UNC13C: variants seen among roughly 807,000 people sequenced by gnomAD.
UNC13C encodes the protein unc-13 homolog C.
Under a neutral mutation model 245.4 loss-of-function variants are expected in UNC13C, and 174 were observed. That is an observed-to-expected ratio of 0.71 (90% confidence interval 0.63 to 0.80). The LOEUF (loss-of-function observed/expected upper bound fraction) is 0.80, where lower values mean the gene tolerates loss of function less well. Ranked by LOEUF, UNC13C falls within the 30% of genes least tolerant of loss-of-function variation. The pLI, the probability that UNC13C is intolerant of heterozygous loss-of-function variation, is 0.00. For synonymous variants in UNC13C, 992 were observed against 895.1 expected (o/e 1.11, Z -1.93); for missense variants, 2,829 against 2,602.9 (o/e 1.09, Z -1.89).
intron 8 of UNC13C, 144 bp downstream of exon 8, chr15:54,250,588 G>A: frequency 1.4e-6 from 1 of 711,446 alleles, no homozygotes; most frequent in South Asian, 2.0e-5. Context: ...TACACATACT[G>A]TCCATCAAAT....
At chr15:54,132,779 T>C (rs1207045828) in intron 2 of UNC13C, among the ~76,000 whole-genome samples, 2 of 152,146 alleles carry the variant, frequency 1.3e-5, no homozygotes, top group African/African-American at 4.8e-5. Context: ...GAGCAAACTG[T>C]TTCCAAAGAA....
At chr15:53,893,322 A>G in the UNC13C span, among the ~76,000 whole-genome samples, 5 of 152,316 alleles carry the variant, frequency 3.3e-5, no homozygotes, top group South Asian at 8.3e-4. Flanking sequence ...CAGTCAGGAT[A>G]CACGGGGGTC....
At chr15:54,481,286 A>G (rs1235674084) in intron 19 of UNC13C, among the ~76,000 whole-genome samples, 1 of 152,072 alleles carries the variant, frequency 6.6e-6, no homozygotes, top group Admixed American at 6.5e-5. Context: ...GTGGTGAGCC[A>G]ACCCTCAGGC....
At chr15:54,033,282 T>C (rs4343217) in intron 2 of UNC13C, among the ~76,000 whole-genome samples, 3,288 of 152,226 alleles carry the variant, frequency 0.022, 117 homozygotes, top group South Asian at 0.12. Context: ...AATATTCTGA[T>C]AAAAAGCTGA....
intron 30 of UNC13C, among the ~76,000 whole-genome samples, chr15:54,573,735 A>G (rs1897850513): frequency 6.6e-6 from 1 of 152,298 alleles, no homozygotes; most frequent in Non-Finnish European, 1.5e-5. Context: ...CACATCCTGG[A>G]GTGGTGGTCA....
intron 2 of UNC13C, among the ~76,000 whole-genome samples, chr15:54,071,203 T>G (rs1390416443): frequency 6.6e-6 from 1 of 152,146 alleles, no homozygotes; most frequent in African/African-American, 2.4e-5. Context: ...TAAAAAAAAT[T>G]TGTAAACTTG....
chr15:54,578,844 A>C (rs1345774341), intron 30 of UNC13C, among the ~76,000 whole-genome samples: 1 of 152,184 alleles, frequency 6.6e-6, no homozygotes, highest in African/African-American at 2.4e-5. Context: ...GTCTCTACTA[A>C]AATTACAAGA....
intron 2 of UNC13C, among the ~76,000 whole-genome samples, chr15:54,080,878 A>G (rs987606591): frequency 6.6e-6 from 1 of 151,712 alleles, no homozygotes; most frequent in African/African-American, 2.4e-5. Context: ...TTGTTTTTCT[A>G]GTTCCTTTAG....
intron 2 of UNC13C, among the ~76,000 whole-genome samples, chr15:54,091,068 G>A (rs538219314): frequency 2.2e-5 from 3 of 138,426 alleles, no homozygotes; most frequent in South Asian, 5.5e-4. Context: ...TGGGCGGGGT[G>A]GGGGGAGGGG....
At chr15:53,888,604 T>G in the UNC13C span, among the ~76,000 whole-genome samples, 2 of 152,210 alleles carry the variant, frequency 1.3e-5, no homozygotes, top group Non-Finnish European at 2.9e-5. Context: ...TTTTGGTGTT[T>G]TAGACATGAA....
chr15:54,387,206 G>T (rs138332975), intron 17 of UNC13C, among the ~76,000 whole-genome samples: 1 of 152,178 alleles, frequency 6.6e-6, no homozygotes, highest in East Asian at 1.9e-4. Context: ...TGCCTGCTCC[G>T]TGACAAAGCA....
At chr15:54,147,829 C>T (rs2032346290) in intron 4 of UNC13C, among the ~76,000 whole-genome samples, 1 of 83,130 alleles carries the variant, frequency 1.2e-5, no homozygotes, top group Non-Finnish European at 3.0e-5. Context: ...TGTCTATTCT[C>T]TAAGCACCAG....
intron 17 of UNC13C, among the ~76,000 whole-genome samples, chr15:54,369,761 T>G (rs1290865547): frequency 6.6e-6 from 1 of 152,124 alleles, no homozygotes; most frequent in Non-Finnish European, 1.5e-5. Flanking sequence ...TCAACTTGCA[T>G]GCTATAAAGG....
intron 13 of UNC13C, among the ~76,000 whole-genome samples, chr15:54,304,785 A>G (rs139352958): frequency 9.9e-5 from 15 of 152,172 alleles, no homozygotes; most frequent in Admixed American, 7.2e-4. Context: ...ACTTTGCCAG[A>G]AGAAAAAAAT....
intron 29 of UNC13C, among the ~76,000 whole-genome samples, chr15:54,565,634 G>A (rs564072459): frequency 3.3e-5 from 5 of 152,092 alleles, no homozygotes; most frequent in Non-Finnish European, 7.4e-5. Flanking sequence ...GAGAATTCCA[G>A]AAACCAAGCA....
intron 1 of UNC13C, among the ~76,000 whole-genome samples, chr15:53,995,766 T>C (rs1483357495): frequency 4.6e-5 from 7 of 152,010 alleles, no homozygotes. Context: ...CAGTGATAGG[T>C]TGGAGAAGAT....
chr15:54,100,385 T>C (rs968041298), intron 2 of UNC13C, among the ~76,000 whole-genome samples: 3 of 152,318 alleles, frequency 2.0e-5, no homozygotes, highest in Admixed American at 1.3e-4. Flanking sequence ...CATGGCTTCT[T>C]TGACACCACA....
At chr15:54,217,794 A>G (rs928880000) in intron 4 of UNC13C, among the ~76,000 whole-genome samples, 10 of 151,860 alleles carry the variant, frequency 6.6e-5, no homozygotes, top group African/African-American at 2.2e-4. Context: ...CTTCTTCCCT[A>G]TGACTTAAGT....
At chr15:54,115,234 G>A (rs2030153878) in intron 2 of UNC13C, among the ~76,000 whole-genome samples, 1 of 151,986 alleles carries the variant, frequency 6.6e-6, no homozygotes, top group South Asian at 2.1e-4. Context: ...ATTTTCAAAT[G>A]AATTTTAGAA....
Sources: allele counts gnomAD v4.1 joint callset (sites outside exome capture counted in the v4.1 genomes callset), GRCh38; gene constraint gnomAD v4.1.1; transcripts MANE v1.5; gene names NCBI Gene and HGNC (gene_info 2026-07-23, HGNC 2026-07-21).